Variants in EPB41L2 observed in about 807,000 individuals in gnomAD.
The protein encoded by EPB41L2 is band 4.1-like protein 2.
Under a neutral mutation model 113.0 loss-of-function variants are expected in EPB41L2, and 43 were observed. That is an observed-to-expected ratio of 0.38 (90% CI 0.30 to 0.49). EPB41L2 has a LOEUF of 0.49. Among genes scored for constraint, EPB41L2 ranks in the 20% least tolerant of loss-of-function variants. The pLI is 0.95. For missense variants in EPB41L2, 1,147 were observed against 1,223.4 expected (o/e 0.94, Z 0.93); for synonymous variants, 442 against 436.7 (o/e 1.01, Z -0.15).
chr6:131,055,571 C>T (rs1438624079), intron 1 of EPB41L2, among the ~76,000 whole-genome samples: 1 of 152,096 alleles, frequency 6.6e-6, no homozygotes, highest in East Asian at 1.9e-4. Flanking sequence ...CTGCAGATGC[C>T]AACAAATTGC....
At chr6:130,951,087 T>C (rs955057429) in intron 3 of EPB41L2, among the ~76,000 whole-genome samples, 10 of 151,826 alleles carry the variant, frequency 6.6e-5, no homozygotes, top group Non-Finnish European at 1.5e-4. Flanking sequence ...TGAAACCCCG[T>C]CTCTACCAAA....
At chr6:130,985,405 G>C (rs1780312718) in intron 1 of EPB41L2, among the ~76,000 whole-genome samples, 1 of 152,116 alleles carries the variant, frequency 6.6e-6, no homozygotes, top group East Asian at 1.9e-4. Context: ...CTCTTCAACT[G>C]TCAGTGCACC....
intron 1 of EPB41L2, among the ~76,000 whole-genome samples, chr6:130,980,608 G>T (rs1779192492): frequency 6.6e-6 from 1 of 152,086 alleles, no homozygotes; most frequent in South Asian, 2.1e-4. Context: ...GGAGCATTTT[G>T]TTAAATGAAA....
intron 1 of EPB41L2, among the ~76,000 whole-genome samples, chr6:131,062,931 G>A (rs1045308331): frequency 6.6e-6 from 1 of 152,094 alleles, no homozygotes; most frequent in Non-Finnish European, 1.5e-5. Flanking sequence ...ATCGGGTCGG[G>A]CAGAGACCGG....
At chr6:131,043,181 A>AT (rs1794771101) in intron 1 of EPB41L2, among the ~76,000 whole-genome samples, 1 of 152,178 alleles carries the variant, frequency 6.6e-6, no homozygotes, top group Admixed American at 6.5e-5. Context: ...CACTCCTGTA[A>AT]TTCCAGCTAC....
chr6:131,054,158 T>C (rs991375053), intron 1 of EPB41L2, among the ~76,000 whole-genome samples: 9 of 152,218 alleles, frequency 5.9e-5, no homozygotes, highest in Non-Finnish European at 1.3e-4. Context: ...CATGGATCTC[T>C]CCAGTCTTCC....
chr6:130,968,251 A>C (rs1775850061), intron 1 of EPB41L2, among the ~76,000 whole-genome samples: 1 of 152,214 alleles, frequency 6.6e-6, no homozygotes, highest in Non-Finnish European at 1.5e-5. Flanking sequence ...CAGACGCTGC[A>C]TTTTAATAGG....
intron 1 of EPB41L2, among the ~76,000 whole-genome samples, chr6:131,053,434 T>TAAAAAAAAAAAAAAAA (rs71030727): frequency 3.4e-5 from 3 of 88,906 alleles, no homozygotes; most frequent in South Asian, 4.2e-4. Flanking sequence ...ATGGAAATGA[T>TAAAAAAAAAAAAAAAA]AAAAAAAAAA....
intron 3 of EPB41L2, among the ~76,000 whole-genome samples, chr6:130,930,817 AATAT>A (rs71758140): frequency 4.6e-5 from 7 of 151,810 alleles, no homozygotes; most frequent in Non-Finnish European, 8.8e-5. Flanking sequence ...CAAAACACAA[AATAT>A]ATATGTTTTA....
In EPB41L2 at chr6:130,885,076, A is replaced by C; in HGVS notation, c.1833+20T>G. ...GTTAAGTAAATGTTTAAAACCACAT[A>C]CTGTGCTAATTTACCATACCTTTCC... On this transcript the variant is annotated intron_variant, in intron 12 of 19. Transcript: ENST00000337057. The C allele has an allele frequency of 6.2e-7, 1 of 1,613,512 alleles. No homozygotes were observed. Among genetic ancestry groups the C allele is most frequent in the Non-Finnish European group, 8.5e-7 (1 of 1,179,594 alleles).
At chr6:131,016,046 T>C (rs938767974) in intron 1 of EPB41L2, among the ~76,000 whole-genome samples, 1 of 152,194 alleles carries the variant, frequency 6.6e-6, no homozygotes, top group Non-Finnish European at 1.5e-5. Flanking sequence ...GTTTGTGTGC[T>C]GGACAGGGTG....
intron 1 of EPB41L2, among the ~76,000 whole-genome samples, chr6:130,975,033 G>T (rs1248716148): frequency 6.6e-6 from 1 of 152,154 alleles, no homozygotes. Context: ...CCAGAGAGGT[G>T]AAATAACATG....
intron 1 of EPB41L2, among the ~76,000 whole-genome samples, chr6:130,962,659 C>A (rs568118004): frequency 6.6e-6 from 1 of 152,286 alleles, no homozygotes; most frequent in South Asian, 2.1e-4. Flanking sequence ...TTAAATTAAA[C>A]CCACACATAC....
intron 3 of EPB41L2, among the ~76,000 whole-genome samples, chr6:130,942,924 A>T (rs1200254682): frequency 1.3e-5 from 2 of 152,164 alleles, no homozygotes; most frequent in Non-Finnish European, 2.9e-5. Flanking sequence ...AAGGACACGA[A>T]CTGATGCTTT....
chr6:130,892,246 C>T (rs1793121516), intron 10 of EPB41L2, among the ~76,000 whole-genome samples: 1 of 152,006 alleles, frequency 6.6e-6, no homozygotes, highest in South Asian at 2.1e-4. Flanking sequence ...TGCTCAGATG[C>T]CTGGCTGCTG....
At chr6:130,939,402 T>C (rs1459222646) in intron 3 of EPB41L2, among the ~76,000 whole-genome samples, 5 of 151,998 alleles carry the variant, frequency 3.3e-5, no homozygotes, top group South Asian at 2.1e-4. Flanking sequence ...TACAGGCGTG[T>C]GCCACCAAGC....
intron 1 of EPB41L2, among the ~76,000 whole-genome samples, chr6:131,034,389 C>T (rs944716950): frequency 2.0e-5 from 3 of 152,144 alleles, no homozygotes; most frequent in Non-Finnish European, 2.9e-5. Context: ...AAGCACATTG[C>T]CTGAGCCCAG....
Position 130,949,658 on chromosome 6 carries a change from G to A in EPB41L2, c.705+5447C>T, listed in dbSNP as rs192248969. Among the ~76,000 whole-genome samples the A allele has an allele frequency of 2.0e-3, 301 of 151,952 alleles. 1 individual carries two copies. Among genetic ancestry groups the A allele is most frequent in the Middle Eastern group, 6.8e-3 (2 of 294 alleles). ...AGGGGAGACCCAAATGGGATAGGAC[G>A]AGAAAATTAAAACTGAATGGTAATG... On this transcript the variant is annotated intron_variant, in intron 3 of 19. Coordinates refer to ENST00000337057, the MANE Select transcript of EPB41L2 (RefSeq NM_001431.4).
chr6:130,983,122 T>G (rs1779756190), intron 1 of EPB41L2, among the ~76,000 whole-genome samples: 1 of 152,238 alleles, frequency 6.6e-6, no homozygotes, highest in East Asian at 1.9e-4. Context: ...CAGGACTTTA[T>G]TCAACTGTTT....
Sources: allele counts gnomAD v4.1 joint callset (sites outside exome capture counted in the v4.1 genomes callset), GRCh38; gene constraint gnomAD v4.1.1; transcripts MANE v1.5; gene names NCBI Gene and HGNC (gene_info 2026-07-23, HGNC 2026-07-21).